Variants in TAFA1 observed in about 807,000 individuals in gnomAD.
TAFA1 encodes TAFA chemokine like family member 1, also known as chemokine-like protein TAFA-1.
Under a neutral mutation model 18.5 loss-of-function variants are expected in TAFA1, and 4 were observed. The observed-to-expected ratio is 0.22, with a 90% CI of 0.11 to 0.49. The LOEUF (loss-of-function observed/expected upper bound fraction) is 0.49, where lower values mean the gene tolerates loss of function less well. Among genes scored for constraint, TAFA1 ranks in the 20% least tolerant of loss-of-function variants. The pLI is 0.98. For missense variants in TAFA1, 147 were observed against 169.0 expected, an observed-to-expected ratio of 0.87 and a Z score of 0.72; for synonymous variants, 56 against 55.2, an observed-to-expected ratio of 1.01 and a Z score of -0.06.
intron 2 of TAFA1, among the ~76,000 whole-genome samples, chr3:68,193,031 C>G (rs1335674303): frequency 6.6e-6 from 1 of 151,652 alleles, no homozygotes; most frequent in Non-Finnish European, 1.5e-5. Flanking sequence ...TGGTAGTCTC[C>G]TTAAACCTTA....
chr3:68,018,726 T>G (rs1444247837), intron 2 of TAFA1, among the ~76,000 whole-genome samples: 6 of 152,204 alleles, frequency 3.9e-5, no homozygotes, highest in Non-Finnish European at 8.8e-5. Context: ...CAGTTAAACC[T>G]CACAATATCC....
chr3:68,436,121 T>A (rs1416593653), intron 3 of TAFA1, among the ~76,000 whole-genome samples: 3 of 151,974 alleles, frequency 2.0e-5, no homozygotes, highest in Admixed American at 2.0e-4. Flanking sequence ...TGGCTCTTGC[T>A]GAAAACAAAA....
intron 2 of TAFA1, among the ~76,000 whole-genome samples, chr3:68,129,920 G>C (rs994516479): frequency 3.9e-5 from 6 of 152,122 alleles, no homozygotes; most frequent in African/African-American, 1.4e-4. Context: ...ATACATGTTA[G>C]CTCATTAAAG....
At chr3:68,171,531 T>C (rs1351097551) in intron 2 of TAFA1, among the ~76,000 whole-genome samples, 1 of 150,586 alleles carries the variant, frequency 6.6e-6, no homozygotes, top group Non-Finnish European at 1.5e-5. Context: ...CCAGATTATA[T>C]ATTTTAAAAG....
intron 2 of TAFA1, among the ~76,000 whole-genome samples, chr3:68,110,066 A>G (rs745888437): frequency 7.7e-4 from 117 of 152,124 alleles, no homozygotes; most frequent in Admixed American, 1.5e-3. Context: ...TGCTGCACAG[A>G]TCCACCCATC....
intron 2 of TAFA1, among the ~76,000 whole-genome samples, chr3:68,150,407 T>G (rs1352583546): frequency 6.6e-6 from 1 of 152,236 alleles, no homozygotes; most frequent in African/African-American, 2.4e-5. Flanking sequence ...ACTTAAATCA[T>G]TGTTTTATCA....
chr3:68,192,761 G>C (rs897188685), intron 2 of TAFA1, among the ~76,000 whole-genome samples: 1 of 151,680 alleles, frequency 6.6e-6, no homozygotes, highest in African/African-American at 2.4e-5. Flanking sequence ...AAATAAAAGG[G>C]ACACTCCAAG....
intron 2 of TAFA1, among the ~76,000 whole-genome samples, chr3:68,372,237 A>G (rs1693779674): frequency 1.3e-5 from 2 of 152,214 alleles, no homozygotes; most frequent in Non-Finnish European, 2.9e-5. Context: ...AAGGACAGTG[A>G]TGACTATTTT....
At chr3:68,247,209 C>G (rs2067098213) in intron 2 of TAFA1, among the ~76,000 whole-genome samples, 1 of 152,174 alleles carries the variant, frequency 6.6e-6, no homozygotes, top group Admixed American at 6.5e-5. Flanking sequence ...AATGTTCCCT[C>G]AGATACTAAC....
chr3:68,089,140 T>A (rs1352938672), intron 2 of TAFA1, among the ~76,000 whole-genome samples: 1 of 152,090 alleles, frequency 6.6e-6, no homozygotes, highest in African/African-American at 2.4e-5. Flanking sequence ...TGTTTGAATA[T>A]GAAGCTGGAT....
intron 4 of TAFA1, among the ~76,000 whole-genome samples, chr3:68,539,663 C>G (rs1330333753): frequency 4.8e-5 from 2 of 41,964 alleles, no homozygotes; most frequent in East Asian, 5.8e-4. Context: ...CTTTGTCTCT[C>G]TCTGTGTGTG....
At chr3:68,052,535 T>C (rs943674721) in intron 2 of TAFA1, among the ~76,000 whole-genome samples, 1 of 152,210 alleles carries the variant, frequency 6.6e-6, no homozygotes, top group Non-Finnish European at 1.5e-5. Context: ...TTGGGAGCTC[T>C]TGATCAGCGA....
chr3:68,180,036 A>ATTATTATTATTATTATTG (rs1447536743), intron 2 of TAFA1, among the ~76,000 whole-genome samples: 1 of 147,958 alleles, frequency 6.8e-6, no homozygotes. Flanking sequence ...TATTATTATT[A>ATTATTATTATTATTATTG]TTATTATTTG....
intron 3 of TAFA1, among the ~76,000 whole-genome samples, chr3:68,525,395 A>G (rs1533155): frequency 0.79 from 120,373 of 152,126 alleles, 47,730 homozygotes; most frequent in East Asian, 0.9. Flanking sequence ...ATGCTTTTAT[A>G]TAGTTCAGTC....
At chr3:68,505,048 C>G (rs1455484365) in intron 3 of TAFA1, among the ~76,000 whole-genome samples, 3 of 152,014 alleles carry the variant, frequency 2.0e-5, no homozygotes, top group African/African-American at 7.2e-5. Context: ...CACCAAAGAT[C>G]AAAGCATGTT....
At chr3:68,385,060 C>T (rs2070062725) in intron 2 of TAFA1, among the ~76,000 whole-genome samples, 2 of 151,368 alleles carry the variant, frequency 1.3e-5, no homozygotes, top group South Asian at 2.1e-4. Context: ...TATGCATGTC[C>T]TGCTTCTATA....
chr3:68,439,196 CTTCT>C (rs1254032102), intron 3 of TAFA1, among the ~76,000 whole-genome samples: 1 of 151,726 alleles, frequency 6.6e-6, no homozygotes, highest in African/African-American at 2.4e-5. Flanking sequence ...TCTTTCTACT[CTTCT>C]TTCTTTTTAT....
At chr3:68,023,932 G>A (rs377138467) in intron 2 of TAFA1, among the ~76,000 whole-genome samples, 1 of 152,040 alleles carries the variant, frequency 6.6e-6, no homozygotes, top group South Asian at 2.1e-4. Context: ...TAAGGGTCTT[G>A]CTTGCTTACT....
intron 2 of TAFA1, among the ~76,000 whole-genome samples, chr3:68,302,912 A>C (rs2068331918): frequency 1.3e-5 from 2 of 152,336 alleles, no homozygotes; most frequent in Non-Finnish European, 2.9e-5. Context: ...TCCAAGTTCT[A>C]CTACTAACTG....
Sources: allele counts gnomAD v4.1 joint callset (sites outside exome capture counted in the v4.1 genomes callset), GRCh38; gene constraint gnomAD v4.1.1; transcripts MANE v1.5; gene names NCBI Gene and HGNC (gene_info 2026-07-23, HGNC 2026-07-21).